The following SUGCT variants were observed in gnomAD, a reference collection of about 807,000 sequenced individuals.
The protein encoded by SUGCT is succinyl-CoA:glutarate-CoA transferase, also known as succinyl-CoA:glutarate CoA-transferase.
A neutral mutation model predicts 55.0 loss-of-function variants in SUGCT; 41 were observed. That is an observed-to-expected ratio of 0.74 (90% CI 0.58 to 0.97). The LOEUF (loss-of-function observed/expected upper bound fraction) is 0.97. SUGCT is among the 50% of genes least tolerant of loss of function. The probability of loss-of-function intolerance (pLI) is 0.00; values close to 1 mark genes in which losing one functional copy is unlikely to be tolerated. For missense variants in SUGCT, 568 were observed against 547.8 expected (o/e 1.04, Z -0.37); for synonymous variants, 187 against 200.4 (o/e 0.93, Z 0.56).
intron 12 of SUGCT, among the ~76,000 whole-genome samples, chr7:40,662,103 A>C (rs1801357052): frequency 6.6e-6 from 1 of 152,214 alleles, no homozygotes; most frequent in Non-Finnish European, 1.5e-5. Context: ...CTTTTCAGCA[A>C]ATGGTGCCAT....
At chr7:40,833,265 C>CT in intron 13 of SUGCT, among the ~76,000 whole-genome samples, 1 of 152,178 alleles carries the variant, frequency 6.6e-6, no homozygotes, top group South Asian at 2.1e-4. Flanking sequence ...CAAGACCCAT[C>CT]TTAACAAGAA....
At chr7:40,474,872 T>C (rs534111050) in intron 11 of SUGCT, among the ~76,000 whole-genome samples, 3 of 152,166 alleles carry the variant, frequency 2.0e-5, no homozygotes, top group Non-Finnish European at 4.4e-5. Context: ...TTTAAAATTG[T>C]CGAGAGAATT....
the SUGCT span, chr7:40,967,215 A>G: frequency 1.1e-4 from 16 of 152,310 alleles, no homozygotes; most frequent in East Asian, 3.1e-3. Context: ...CCTCTTCTGC[A>G]CAGGCCAGAG....
chr7:40,237,409 A>C (rs1584418511), intron 6 of SUGCT, among the ~76,000 whole-genome samples: 1 of 151,226 alleles, frequency 6.6e-6, no homozygotes, highest in Non-Finnish European at 1.5e-5. Context: ...GAACCACTAC[A>C]CTCCACCCTG....
chr7:41,026,542 T>C, the SUGCT span, among the ~76,000 whole-genome samples: 1 of 152,230 alleles, frequency 6.6e-6, no homozygotes, highest in Admixed American at 6.5e-5. Flanking sequence ...GTGAAACTAA[T>C]GCAACAACTT....
intron 12 of SUGCT, among the ~76,000 whole-genome samples, chr7:40,736,062 T>C (rs1403535687): frequency 6.6e-6 from 1 of 151,656 alleles, no homozygotes; most frequent in Non-Finnish European, 1.5e-5. Context: ...TAGATCTGAA[T>C]AAATTAATTA....
At position 40,180,648 on chromosome 7, in the gene SUGCT, C is replaced by T. The variant is rs370598116; in HGVS notation, c.101-299C>T. ...AGATTACAGGCATGTGCCACCATGC[C>T]TGGCTAATTTTTGTATTTTTGGTAC... On this transcript the variant is annotated intron_variant, in intron 1 of 13. Coordinates refer to ENST00000335693, the MANE Select transcript of SUGCT (RefSeq NM_001193313.2). Among the ~76,000 whole-genome samples, 92 of 152,112 alleles carry T rather than the reference C, an allele frequency of 6.0e-4. 2 individuals carry two copies. In the South Asian group the frequency reaches 0.018, roughly 29 times the overall value.
chr7:40,555,249 C>T (rs1402825043), intron 12 of SUGCT, among the ~76,000 whole-genome samples: 1 of 151,458 alleles, frequency 6.6e-6, no homozygotes, highest in Admixed American at 6.6e-5. Flanking sequence ...GGATGGTCAG[C>T]TCTCGATGGT....
chr7:40,584,844 ACT>A (rs1056345813), intron 12 of SUGCT, among the ~76,000 whole-genome samples: 1 of 152,122 alleles, frequency 6.6e-6, no homozygotes, highest in Non-Finnish European at 1.5e-5. Context: ...GATAGTAATG[ACT>A]CTGACTTCCC....
At chr7:40,837,549 A>G (rs555034153) in intron 13 of SUGCT, among the ~76,000 whole-genome samples, 13 of 152,162 alleles carry the variant, frequency 8.5e-5, no homozygotes, top group African/African-American at 3.1e-4. Flanking sequence ...TAAGCATTTT[A>G]CACTTTTAAT....
chr7:40,714,416 C>T (rs11760535), intron 12 of SUGCT, among the ~76,000 whole-genome samples: 25,222 of 152,138 alleles, frequency 0.17, 2,573 homozygotes, highest in Non-Finnish European at 0.23. Context: ...AAAAGATTCT[C>T]TGAGATTTGT....
At chr7:40,797,385 C>T (rs1156570406) in intron 13 of SUGCT, among the ~76,000 whole-genome samples, 2 of 151,576 alleles carry the variant, frequency 1.3e-5, no homozygotes, top group African/African-American at 2.4e-5. Flanking sequence ...TCAAGACCTC[C>T]GAAACTACAC....
chr7:41,028,281 A>G, the SUGCT span, among the ~76,000 whole-genome samples: 2 of 152,236 alleles, frequency 1.3e-5, no homozygotes, highest in South Asian at 2.1e-4. Flanking sequence ...CTAGCATGGA[A>G]TAAGAGCGGT....
intron 6 of SUGCT, among the ~76,000 whole-genome samples, chr7:40,232,396 G>C (rs1187850731): frequency 1.3e-5 from 2 of 151,976 alleles, no homozygotes; most frequent in African/African-American, 4.8e-5. Context: ...GGGCAACAGG[G>C]GTTAATGAGT....
At chr7:40,790,226 A>G (rs1020765811) in intron 13 of SUGCT, among the ~76,000 whole-genome samples, 2 of 152,120 alleles carry the variant, frequency 1.3e-5, no homozygotes, top group African/African-American at 4.8e-5. Flanking sequence ...TTCTCATGCT[A>G]GTGAGTGAGT....
chr7:40,684,272 G>A, intron 12 of SUGCT: 11 of 1,257,304 alleles, frequency 8.7e-6, no homozygotes, highest in Non-Finnish European at 1.1e-5. Context: ...TCAGGGATTA[G>A]GACATAGCAT....
intron 1 of SUGCT, among the ~76,000 whole-genome samples, chr7:40,149,812 AG>A (rs1170505284): frequency 6.6e-6 from 1 of 152,178 alleles, no homozygotes; most frequent in Non-Finnish European, 1.5e-5. Flanking sequence ...CCAGCTGTTC[AG>A]GAGGCTGAGG....
the SUGCT span, among the ~76,000 whole-genome samples, chr7:40,985,404 T>C: frequency 1.3e-5 from 2 of 151,954 alleles, no homozygotes; most frequent in Non-Finnish European, 2.9e-5. Context: ...AAAATGCTGG[T>C]GATGGAAATG....
At chr7:40,952,926 G>T in the SUGCT span, among the ~76,000 whole-genome samples, 2 of 152,088 alleles carry the variant, frequency 1.3e-5, no homozygotes, top group African/African-American at 4.8e-5. Flanking sequence ...TGACAATTAG[G>T]TGTCTTGGAG....
Sources: gnomAD v4.1 joint callset for allele counts (sites outside exome capture counted in the v4.1 genomes callset) on GRCh38, gnomAD v4.1.1 for gene constraint, MANE v1.5 for transcripts, NCBI Gene and HGNC (gene_info 2026-07-23, HGNC 2026-07-21) for gene names.